ADGRL2: variants seen among roughly 807,000 people sequenced by gnomAD.
The protein encoded by ADGRL2 is adhesion G protein-coupled receptor L2, also known as calcium-independent alpha-latrotoxin receptor 2.
Under a neutral mutation model 157.4 loss-of-function variants are expected in ADGRL2, and 44 were observed. That is an observed-to-expected ratio of 0.28 (90% confidence interval 0.22 to 0.36). ADGRL2 has a LOEUF of 0.36. Among genes scored for constraint, ADGRL2 ranks in the 10% least tolerant of loss-of-function variants. The pLI is 1.00. For missense variants in ADGRL2, 1,510 were observed against 1,768.9 expected (o/e 0.85, Z 2.63); for synonymous variants, 585 against 624.7 (o/e 0.94, Z 0.95).
intron 2 of ADGRL2, among the ~76,000 whole-genome samples, chr1:81,483,701 G>A (rs1375048943): frequency 6.6e-6 from 1 of 152,134 alleles, no homozygotes; most frequent in Non-Finnish European, 1.5e-5. Context: ...TGGGAGAGAT[G>A]TTAACCAGGT....
intron 1 of ADGRL2, among the ~76,000 whole-genome samples, chr1:81,801,737 G>T (rs568161312): frequency 6.6e-6 from 1 of 152,298 alleles, no homozygotes; most frequent in Admixed American, 6.5e-5. Context: ...CGCTCGGGGG[G>T]CTGAGGGGCT....
At chr1:81,456,612 A>G (rs921549241) in intron 2 of ADGRL2, among the ~76,000 whole-genome samples, 9 of 152,168 alleles carry the variant, frequency 5.9e-5, no homozygotes, top group Non-Finnish European at 8.8e-5. Context: ...ATTTGGCCCC[A>G]TAAATCCCCA....
chr1:81,960,000 A>T (rs921347889), intron 11 of ADGRL2, among the ~76,000 whole-genome samples: 1 of 151,956 alleles, frequency 6.6e-6, no homozygotes. Flanking sequence ...GGATTTCACC[A>T]TGTTGGTCAG....
intron 2 of ADGRL2, among the ~76,000 whole-genome samples, chr1:81,853,746 G>A (rs564738008): frequency 6.6e-6 from 1 of 152,140 alleles, no homozygotes; most frequent in Admixed American, 6.6e-5. Flanking sequence ...CATGATATAA[G>A]GTTAAGGTTT....
At chr1:81,727,489 G>A (rs2084571583) in intron 1 of ADGRL2, among the ~76,000 whole-genome samples, 2 of 152,020 alleles carry the variant, frequency 1.3e-5, no homozygotes. Flanking sequence ...CTGGAGTGCA[G>A]TGGCATGATC....
chr1:81,627,271 T>G (rs950804901), intron 3 of ADGRL2, among the ~76,000 whole-genome samples: 1 of 152,168 alleles, frequency 6.6e-6, no homozygotes. Flanking sequence ...CTGCCCTTCA[T>G]GCCTGTGTCT....
chr1:81,346,995 C>T (rs751121716), intron 1 of ADGRL2, among the ~76,000 whole-genome samples: 6 of 152,132 alleles, frequency 3.9e-5, no homozygotes, highest in Non-Finnish European at 8.8e-5. Context: ...CAGACGTTAA[C>T]ACAATTCTAT....
In ADGRL2 at chr1:81,686,936, T is replaced by C. The variant is rs550125107; in HGVS notation, c.-142-74875T>C. On this transcript the variant is annotated intron_variant, in intron 3 of 24. Coordinates refer to the ADGRL2 transcript ENST00000370721. ...GTTATTTAATTTCCATGCATTTGTG[T>C]GGTTTCGAAGGTCCCTTATGGAGTT... Among the ~76,000 whole-genome samples, 48 of 152,332 alleles carry C rather than the reference T, an allele frequency of 3.2e-4. No individual in the cohort carries two copies. The South Asian group carries it at 9.7e-3, about 31-fold the overall frequency.
At chr1:81,896,027 T>G (rs1402978242) in intron 2 of ADGRL2, among the ~76,000 whole-genome samples, 2 of 152,164 alleles carry the variant, frequency 1.3e-5, no homozygotes, top group Non-Finnish European at 2.9e-5. Flanking sequence ...TCAGGCTGGA[T>G]GGAGGTGGGA....
chr1:81,854,047 A>C (rs1316228883), intron 2 of ADGRL2, among the ~76,000 whole-genome samples: 1 of 152,098 alleles, frequency 6.6e-6, no homozygotes, highest in Non-Finnish European at 1.5e-5. Flanking sequence ...CCTTTTGCCT[A>C]TTCTATGGGC....
intron 1 of ADGRL2, among the ~76,000 whole-genome samples, chr1:81,730,790 A>G (rs962360887): frequency 6.6e-6 from 1 of 152,074 alleles, no homozygotes; most frequent in African/African-American, 2.4e-5. Context: ...CAGAAAATAT[A>G]CTTGTTATAA....
At chr1:81,938,658 GT>G (rs1179199766) in intron 4 of ADGRL2, among the ~76,000 whole-genome samples, 2 of 151,178 alleles carry the variant, frequency 1.3e-5, no homozygotes, top group Admixed American at 6.6e-5. Flanking sequence ...AAGTCTATGG[GT>G]TTTTTTTAAT....
intron 1 of ADGRL2, among the ~76,000 whole-genome samples, chr1:81,712,779 T>C (rs1330582725): frequency 1.9e-5 from 2 of 107,918 alleles, no homozygotes; most frequent in Non-Finnish European, 4.1e-5. Context: ...TTTTTTTTTT[T>C]TGAGACAGAG....
intron 2 of ADGRL2, among the ~76,000 whole-genome samples, chr1:81,765,695 T>C (rs1036842160): frequency 6.6e-6 from 1 of 152,060 alleles, no homozygotes; most frequent in African/African-American, 2.4e-5. Context: ...AAAGGTTGAA[T>C]GCATATTTAT....
chr1:81,440,019 G>A (rs1223060506), intron 1 of ADGRL2, among the ~76,000 whole-genome samples: 2 of 152,196 alleles, frequency 1.3e-5, no homozygotes, highest in Non-Finnish European at 2.9e-5. Flanking sequence ...GGCACAGGGT[G>A]GGGAGTGCAT....
chr1:81,859,646 A>T (rs2093326940), intron 2 of ADGRL2, among the ~76,000 whole-genome samples: 1 of 152,036 alleles, frequency 6.6e-6, no homozygotes, highest in Non-Finnish European at 1.5e-5. Flanking sequence ...GAGCTCAAGC[A>T]ATCCACCCAC....
chr1:81,367,610 A>G (rs1182455990), intron 1 of ADGRL2, among the ~76,000 whole-genome samples: 2 of 151,894 alleles, frequency 1.3e-5, no homozygotes, highest in Non-Finnish European at 2.9e-5. Flanking sequence ...CCCAGGCTGG[A>G]GCGCAATGGC....
chr1:81,818,993 C>T (rs747277054), intron 1 of ADGRL2, among the ~76,000 whole-genome samples: 19 of 152,120 alleles, frequency 1.2e-4, no homozygotes, highest in East Asian at 1.9e-4. Flanking sequence ...GGAGATGAAA[C>T]GGGTGTGTTA....
intron 3 of ADGRL2, among the ~76,000 whole-genome samples, chr1:81,689,582 C>T (rs2083292237): frequency 6.6e-6 from 1 of 152,192 alleles, no homozygotes; most frequent in African/African-American, 2.4e-5. Flanking sequence ...TTAAAAATGA[C>T]TGTGACCCTT....
Sources: gnomAD v4.1 joint callset for allele counts (sites outside exome capture counted in the v4.1 genomes callset) on GRCh38, gnomAD v4.1.1 for gene constraint, MANE v1.5 for transcripts, NCBI Gene and HGNC (gene_info 2026-07-23, HGNC 2026-07-21) for gene names.